The following CADPS variants were observed in gnomAD, a reference collection of about 807,000 sequenced individuals.
CADPS encodes calcium-dependent secretion activator 1.
Under a neutral mutation model 167.3 loss-of-function variants are expected in CADPS, and 57 were observed. The ratio of observed to expected loss-of-function variants is 0.34; its 90% CI spans 0.28 to 0.42. The LOEUF is 0.42. Among genes scored for constraint, CADPS ranks in the 20% least tolerant of loss-of-function variants. CADPS has a pLI of 1.00. For synonymous variants in CADPS, 676 were observed against 635.3 expected, an observed-to-expected ratio of 1.06 and a Z score of -0.96; for missense variants, 1,414 against 1,738.1, an observed-to-expected ratio of 0.81 and a Z score of 3.32.
intron 3 of CADPS, among the ~76,000 whole-genome samples, chr3:62,690,931 A>G (rs573300411): frequency 2.6e-5 from 4 of 152,186 alleles, no homozygotes; most frequent in South Asian, 2.1e-4. Context: ...CAAACAAGAC[A>G]TTCCTTAGTA....
chr3:62,638,518 C>A (rs61000568), intron 6 of CADPS, among the ~76,000 whole-genome samples: 15,008 of 152,026 alleles, frequency 0.099, 904 homozygotes, highest in South Asian at 0.21. Flanking sequence ...AATAGAGAAG[C>A]TGAATCAGAA....
At chr3:62,649,541 G>GTTTTTTTTTTTTTTTTTTTTTTTTTTT (rs1212818484) in intron 5 of CADPS, among the ~76,000 whole-genome samples, 1 of 75,004 alleles carries the variant, frequency 1.3e-5, no homozygotes, top group African/African-American at 4.8e-5. Flanking sequence ...ACAATATGTG[G>GTTTTTTTTTTTTTTTTTTTTTTTTTTT]TCTTTTTTTT....
chr3:62,599,858 TATAATATATA>T (rs1229746781), intron 6 of CADPS, among the ~76,000 whole-genome samples: 2 of 65,054 alleles, frequency 3.1e-5, no homozygotes, highest in African/African-American at 7.9e-5. Context: ...ATATAATATA[TATAATATATA>T]ATAATATATA....
chr3:62,871,828 G>A (rs970170568), intron 1 of CADPS, among the ~76,000 whole-genome samples: 2 of 152,122 alleles, frequency 1.3e-5, no homozygotes, highest in Admixed American at 1.3e-4. Context: ...ATTAAGAAGG[G>A]AAATTAGATA....
In CADPS at chr3:62,550,235, T is replaced by C. The variant is rs1415425151; in HGVS notation, c.1754-120A>G. 5.7e-6 allele frequency: 4 copies of C among 704,860 alleles called. No individual in the cohort carries two copies. The South Asian group carries it at 6.9e-5, about 12-fold the overall frequency. The allele number at this position is 704,860 out of a possible 1,614,324, so 43.7% of individuals were successfully genotyped here. On this transcript the variant is annotated intron_variant, in intron 10 of 29. Coordinates refer to ENST00000383710, the MANE Select transcript of CADPS (RefSeq NM_003716.4). ...TTGGGACAGAAGAGGGGGGTAGTGA[T>C]TAACTTAGGATGGGAAGTCTGAGAT...
chr3:62,404,554 C>T (rs1355208770), intron 28 of CADPS: 2 of 152,186 alleles, frequency 1.3e-5, no homozygotes, highest in Non-Finnish European at 2.9e-5. Context: ...CCATGGCGTA[C>T]AGAAGCCCTC....
rs76357429 is a variant in CADPS at position 62,681,996 on chromosome 3, T to C, written c.889-19602A>G. Among the ~76,000 whole-genome samples, 557 of 152,238 alleles carry C rather than the reference T, an allele frequency of 3.7e-3. 6 individuals are homozygous for C. Among genetic ancestry groups the C allele is most frequent in the African/African-American group, 0.013 (523 of 41,524 alleles). Reference sequence around the variant, plus strand: ...GAGACATTGTGTCTGTATCTGTTGATGCATTACGAAGTATTTATTGTCGGG... The same window carrying C: ...GAGACATTGTGTCTGTATCTGTTGACGCATTACGAAGTATTTATTGTCGGG... On this transcript the variant is annotated intron_variant, in intron 3 of 29. Transcript: ENST00000383710.
At chr3:62,402,569 C>A (rs1457900788) in intron 29 of CADPS, among the ~76,000 whole-genome samples, 1 of 152,144 alleles carries the variant, frequency 6.6e-6, no homozygotes, top group African/African-American at 2.4e-5. Context: ...CCTTTGTGAT[C>A]CTTTACATTT....
chr3:62,503,177 A>G (rs1038106319), intron 17 of CADPS, among the ~76,000 whole-genome samples: 1 of 152,110 alleles, frequency 6.6e-6, no homozygotes, highest in Non-Finnish European at 1.5e-5. Context: ...ACTTCGTACA[A>G]TGAAGAACAC....
chr3:62,545,070 C>T (rs1334772154), intron 11 of CADPS, among the ~76,000 whole-genome samples: 4 of 152,086 alleles, frequency 2.6e-5, no homozygotes, highest in East Asian at 3.8e-4. Flanking sequence ...CTGTTGAAGA[C>T]GTTCAGGTGG....
intron 26 of CADPS, among the ~76,000 whole-genome samples, chr3:62,453,143 G>C (rs1006471168): frequency 1.3e-5 from 2 of 151,826 alleles, no homozygotes; most frequent in African/African-American, 4.8e-5. Flanking sequence ...TAAATAATAA[G>C]AATAATAAAC....
intron 9 of CADPS, among the ~76,000 whole-genome samples, chr3:62,565,846 T>G (rs62243523): frequency 0.076 from 11,551 of 152,250 alleles, 495 homozygotes; most frequent in Non-Finnish European, 0.096. Context: ...CCCAAGACAG[T>G]AGTACTAATA....
chr3:62,851,201 A>G (rs1478835362), intron 1 of CADPS, among the ~76,000 whole-genome samples: 5 of 142,252 alleles, frequency 3.5e-5, no homozygotes, highest in Non-Finnish European at 7.6e-5. Context: ...TGAATACAGC[A>G]CATTGATGGG....
Position 62,753,841 on chromosome 3 carries a change from T to TGGA in CADPS, c.556-71_556-69dup. 6.9e-7 allele frequency: 1 copy of TGGA among 1,443,728 alleles called. No individual in the cohort carries two copies. The allele number at this position is 1,443,728 out of a possible 1,614,324, so 89.4% of individuals were successfully genotyped here. A position where few individuals can be genotyped will look rare whatever the true frequency, so the allele number is the denominator to read the frequency against. ...CACAGAGGTACCAGTTCCCTGGGGCTGGACACTGGGCCAGTCCACCTCACG... is the reference window on the plus strand; with the variant it reads ...CACAGAGGTACCAGTTCCCTGGGGCTGGAGGACACTGGGCCAGTCCACCTCACG... On this transcript the variant is annotated intron_variant, in intron 2 of 29. Coordinates refer to ENST00000383710, the MANE Select transcript of CADPS (RefSeq NM_003716.4). The surrounding 1 kb of genome is among the most constrained non-coding windows in gnomAD (Gnocchi z 4.6).
chr3:62,791,024 G>A (rs944794344), intron 1 of CADPS, among the ~76,000 whole-genome samples: 3 of 150,580 alleles, frequency 2.0e-5, no homozygotes, highest in Admixed American at 1.3e-4. Context: ...GTATTTATCA[G>A]TATTCTTTGT....
At chr3:62,580,074 C>T (rs2083103950) in intron 8 of CADPS, among the ~76,000 whole-genome samples, 1 of 152,130 alleles carries the variant, frequency 6.6e-6, no homozygotes, top group Non-Finnish European at 1.5e-5. Context: ...GGAGGACTGC[C>T]TGAGGCTAAG....
chr3:62,636,772 C>T (rs191624514), intron 6 of CADPS, among the ~76,000 whole-genome samples: 144 of 152,288 alleles, frequency 9.5e-4, no homozygotes, highest in African/African-American at 3.2e-3. Flanking sequence ...AGGGCTGTGC[C>T]TCTGGAAGAC....
rs989284334 is a variant in CADPS at position 62,874,445 on chromosome 3, A to T, written c.441+144T>A. 2 of 631,774 alleles carry T rather than the reference A, an allele frequency of 3.2e-6. No homozygotes were observed. Among genetic ancestry groups the T allele is most frequent in the African/African-American group, 1.9e-5 (1 of 52,492 alleles). The allele number at this position is 631,774 out of a possible 1,614,324, so 39.1% of individuals were successfully genotyped here. On this transcript the variant is annotated intron_variant, in intron 1 of 29. Coordinates refer to ENST00000383710, the MANE Select transcript of CADPS (RefSeq NM_003716.4). The surrounding 1 kb of genome is among the most constrained non-coding windows in gnomAD (Gnocchi z 7.1). ...GGCCTGGGCGAGCCCGGCCGCTGGGAGGGGGCCTCGTAGCCCTTTCCCCAG... is the reference window on the plus strand; with the variant it reads ...GGCCTGGGCGAGCCCGGCCGCTGGGTGGGGGCCTCGTAGCCCTTTCCCCAG...
chr3:62,762,897 A>AT (rs370978388), intron 2 of CADPS, among the ~76,000 whole-genome samples: 1 of 152,066 alleles, frequency 6.6e-6, no homozygotes, highest in Non-Finnish European at 1.5e-5. Flanking sequence ...CTGTTACACT[A>AT]TTTTTTAACG....
Sources: allele counts gnomAD v4.1 joint callset (sites outside exome capture counted in the v4.1 genomes callset), GRCh38; gene constraint gnomAD v4.1.1; non-coding constraint Gnocchi (gnomAD v3.1); transcripts MANE v1.5; gene names NCBI Gene and HGNC (gene_info 2026-07-23, HGNC 2026-07-21).